Variants in CIT observed in about 807,000 individuals in gnomAD.
The protein encoded by CIT is citron rho-interacting serine/threonine kinase.
CIT carries 79 observed loss-of-function variants against 272.7 expected under a neutral mutation model. That is an observed-to-expected ratio of 0.29 (90% CI 0.24 to 0.35). The LOEUF is 0.35. Among genes scored for constraint, CIT ranks in the 10% least tolerant of loss-of-function variants. The pLI is 1.00. For synonymous variants in CIT, 948 were observed against 995.6 expected (o/e 0.95, Z 0.90); for missense variants, 1,909 against 2,618.3 (o/e 0.73, Z 5.91).
rs1380053570 is a variant in CIT, at chr12:119,742,461, G to A, written c.2908C>T (p.His970Tyr). Residue 970 changes from histidine (H) to tyrosine (Y), a missense_variant, in exon 24 of 48, where the codon CAT becomes TAT. His to Tyr is a moderately conservative substitution (Grantham distance 83). Around this residue, in one of 8 missense-constraint regions of CIT, gnomAD observed 530 missense variants for 822.4 expected, o/e 0.64. Coordinates refer to ENST00000392521, the MANE Select transcript of CIT (RefSeq NM_001206999.2). ...AATTTGCGCTGGATTTCATCTCTAT[G>A]TGCCTAAAAGGTAAGAAGTTGATTA... ...AEEEIQALTA[H>Y]RDEIQRKFDA... The A allele has an allele frequency of 2.5e-6, 4 of 1,609,692 alleles. No homozygotes were observed. Among genetic ancestry groups the A allele is most frequent in the Non-Finnish European group, 3.4e-6 (4 of 1,178,122 alleles).
At chr12:119,740,620 T>C (rs1040394345) in intron 24 of CIT, among the ~76,000 whole-genome samples, 3 of 152,148 alleles carry the variant, frequency 2.0e-5, no homozygotes, top group African/African-American at 7.2e-5. Context: ...ACAGGATTAC[T>C]AATGCACACA....
At chr12:119,836,830 A>G (rs995448957) in intron 5 of CIT, among the ~76,000 whole-genome samples, 1 of 152,214 alleles carries the variant, frequency 6.6e-6, no homozygotes, top group African/African-American at 2.4e-5. Flanking sequence ...CTGACATTCT[A>G]TTTGCAATGA....
chr12:119,856,661 G>A (rs1009632373), intron 4 of CIT, among the ~76,000 whole-genome samples: 1 of 151,728 alleles, frequency 6.6e-6, no homozygotes, highest in African/African-American at 2.4e-5. Context: ...TCCCCCCATC[G>A]GTGAGAACTG....
Position 119,822,979 on chromosome 12 carries a change from C to G in CIT, c.958-6G>C. The G allele has an allele frequency of 6.3e-7, 1 of 1,596,740 alleles. No individual in the cohort carries two copies. Among genetic ancestry groups the G allele is most frequent in the Non-Finnish European group, 8.5e-7 (1 of 1,174,844 alleles). ...TCTGGAAATTTCAAAAACCGCTGTT[C>G]CAAAAAAAATAAGAGAATTATTTCC... is the stretch of plus-strand genomic sequence containing the variant. On this transcript the variant is annotated splice_region_variant and splice_polypyrimidine_tract_variant and intron_variant, in intron 8 of 47. Coordinates refer to ENST00000392521, the MANE Select transcript of CIT (RefSeq NM_001206999.2).
rs755382121 is a variant in CIT, at chr12:119,784,207, G to A, written c.1402-156C>T. On this transcript the variant is annotated intron_variant, in intron 11 of 47. Coordinates refer to ENST00000392521, the MANE Select transcript of CIT (RefSeq NM_001206999.2). This position sits in a 1 kb window ranked among gnomAD's most constrained non-coding sequence, Gnocchi z 4.7. ...GAAATACCATTGTTTCTTCGCCCAG[G>A]AGCGCACAGTTCTTCGTTAAGGACA... 17 of 1,604,806 alleles carry A rather than the reference G, an allele frequency of 1.1e-5. No homozygotes were observed. The Admixed American group carries it at 1.2e-4, about 11-fold the overall frequency.
intron 10 of CIT, among the ~76,000 whole-genome samples, chr12:119,791,654 C>T (rs538678780): frequency 1.3e-5 from 2 of 152,332 alleles, no homozygotes; most frequent in African/African-American, 2.4e-5. Flanking sequence ...TTCTGAGCAG[C>T]GGGTGCACGC....
At chr12:119,736,693 T>C (rs1958780270) in intron 24 of CIT, among the ~76,000 whole-genome samples, 1 of 152,256 alleles carries the variant, frequency 6.6e-6, no homozygotes, top group South Asian at 2.1e-4. Context: ...TTGCCATTCC[T>C]AACAGACACT....
chr12:119,722,581 C>T (rs1407396985), intron 28 of CIT, among the ~76,000 whole-genome samples: 1 of 152,166 alleles, frequency 6.6e-6, no homozygotes, highest in East Asian at 1.9e-4. Context: ...AGTAGAAAGA[C>T]CTGGATGCTG....
In CIT at chr12:119,704,204, G is replaced by T. The variant is rs934352282; in HGVS notation, c.5304+159C>A. On this transcript the variant is annotated intron_variant, in intron 41 of 47. Transcript: ENST00000392521. ...CCTGGGGAATCCTCCACAAAGGAAG[G>T]ATCTCGCTGACGACAGAGGTCACCC... is the stretch of plus-strand genomic sequence containing the variant. Among the ~76,000 whole-genome samples the T allele has an allele frequency of 2.0e-5, 3 of 152,190 alleles. No individual in the cohort carries two copies. In the South Asian group the frequency reaches 6.2e-4, roughly 31 times the overall value.
At chr12:119,742,580 C>A in intron 23 of CIT, 116 bp from the exon 24 acceptor site, 2 of 646,506 alleles carry the variant, frequency 3.1e-6, no homozygotes, top group South Asian at 4.4e-5. Flanking sequence ...GCGGCACCAG[C>A]ATCTGTTTTT....
At position 119,700,783 on chromosome 12, in the gene CIT, G is replaced by A. The variant is rs1334597004; in HGVS notation, c.5585C>T (p.Thr1862Ile). The part of the protein sequence containing the change: ...FVDSYGRRSR[T>I]DDLKWSRLPL... Reference sequence around the variant, plus strand: ...TAAGCGACTCCACTTGAGATCGTCTGTGCGGCTACGTCTTCCGTAAGAATC... The same window carrying A: ...TAAGCGACTCCACTTGAGATCGTCTATGCGGCTACGTCTTCCGTAAGAATC... The change falls in exon 44 of 48, where the codon ACA becomes ATA. Residue 1862 changes from threonine (T) to isoleucine (I), a missense_variant. Thr to Ile is a moderately conservative substitution (Grantham distance 89, BLOSUM62 -1). Coordinates refer to ENST00000392521, the MANE Select transcript of CIT (RefSeq NM_001206999.2). 1.2e-6 allele frequency: 2 copies of A among 1,614,028 alleles called. No homozygotes were observed. Among genetic ancestry groups the A allele is most frequent in the Admixed American group, 1.7e-5 (1 of 60,012 alleles).
Position 119,752,196 on chromosome 12 carries a change from C to A in CIT, c.2758G>T (p.Glu920Ter). ...CGCTCCTGCAGGGAGAGCTGTAGCT[C>A]TGTGAGCTGGCGCTTGAGCTCCAGT... ...QKLELKRQLT[E>*]LQLSLQERES... The change falls in exon 23 of 48, where the codon GAG (glutamate) becomes TAG (stop). Residue 920 changes from glutamate (E) to a stop codon, truncating the protein, a stop_gained. Coordinates refer to ENST00000392521, the MANE Select transcript of CIT (RefSeq NM_001206999.2). LOFTEE classifies it high-confidence loss of function. The A allele has an allele frequency of 6.2e-7, 1 of 1,611,518 alleles. No homozygotes were observed.
At chr12:119,798,227 T>C (rs1480324756) in intron 10 of CIT, among the ~76,000 whole-genome samples, 1 of 152,088 alleles carries the variant, frequency 6.6e-6, no homozygotes, top group East Asian at 1.9e-4. Flanking sequence ...GCCTGTCAGC[T>C]CCCATCACAC....
chr12:119,688,124 G>A lies in CIT; in HGVS notation c.*108C>T. 7 of 1,240,074 alleles carry A rather than the reference G, an allele frequency of 5.6e-6. No homozygotes were observed. The highest frequency in any genetic ancestry group is 8.3e-6 in the Non-Finnish European group (7 of 841,228). The allele number at this position is 1,240,074 out of a possible 1,614,324, so 76.8% of individuals were successfully genotyped here. A position where few individuals can be genotyped will look rare whatever the true frequency, so the allele number is the denominator to read the frequency against. Reference sequence around the variant, plus strand: ...GGTGGGTCTGGGCCCCGCTGAGCCAGAGGGTGGCTGAGCACGTGGGCGCTT... The same window carrying A: ...GGTGGGTCTGGGCCCCGCTGAGCCAAAGGGTGGCTGAGCACGTGGGCGCTT... On this transcript the variant is annotated 3_prime_UTR_variant, in exon 48 of 48. Transcript: ENST00000392521.
At chr12:119,844,446 A>AAGAGCCTTAAG (rs1181108433) in intron 5 of CIT, among the ~76,000 whole-genome samples, 1 of 152,138 alleles carries the variant, frequency 6.6e-6, no homozygotes, top group Non-Finnish European at 1.5e-5. Context: ...AAAGACTAAA[A>AAGAGCCTTAAG]AGAGCCTTAA....
At chr12:119,774,936 G>A (rs1282258494) in intron 16 of CIT, among the ~76,000 whole-genome samples, 2 of 151,260 alleles carry the variant, frequency 1.3e-5, no homozygotes, top group Admixed American at 6.6e-5. Flanking sequence ...ATCATGCCCT[G>A]CACTCCAGCC....
At chr12:119,843,519 T>C (rs1185771705) in intron 5 of CIT, among the ~76,000 whole-genome samples, 1 of 152,072 alleles carries the variant, frequency 6.6e-6, no homozygotes, top group Non-Finnish European at 1.5e-5. Context: ...TGATTTAAAA[T>C]GTATCTTCAG....
chr12:119,778,551 G>A (rs1010249011), intron 13 of CIT, among the ~76,000 whole-genome samples: 10 of 152,010 alleles, frequency 6.6e-5, no homozygotes, highest in Admixed American at 2.0e-4. Flanking sequence ...AGAAATAATC[G>A]ACTGAGCAAG....
intron 4 of CIT, among the ~76,000 whole-genome samples, chr12:119,856,153 C>T (rs1221867858): frequency 6.6e-6 from 1 of 152,212 alleles, no homozygotes; most frequent in Non-Finnish European, 1.5e-5. Context: ...GGAGGCCACA[C>T]AAAGTCATTG....
Sources: allele counts gnomAD v4.1 joint callset (sites outside exome capture counted in the v4.1 genomes callset), GRCh38; gene constraint gnomAD v4.1.1; regional missense constraint gnomAD v4.1.1; non-coding constraint Gnocchi (gnomAD v3.1); transcripts MANE v1.5; gene names NCBI Gene and HGNC (gene_info 2026-07-23, HGNC 2026-07-21).